CSMD3: variants seen among roughly 807,000 people sequenced by gnomAD.
The protein encoded by CSMD3 is CUB and Sushi multiple domains 3.
CSMD3 carries 177 observed loss-of-function variants against 435.2 expected under a neutral mutation model. The observed-to-expected ratio is 0.41, with a 90% CI of 0.36 to 0.46. The LOEUF (loss-of-function observed/expected upper bound fraction) is 0.46. Ranked by LOEUF, CSMD3 falls within the 20% of genes least tolerant of loss-of-function variation. CSMD3 has a pLI of 0.34. For synonymous variants in CSMD3, 1,656 were observed against 1,520.5 expected (o/e 1.09, Z -2.07); for missense variants, 4,265 against 4,504.6 (o/e 0.95, Z 1.52).
intron 53 of CSMD3, among the ~76,000 whole-genome samples, chr8:112,298,555 A>T (rs1307979119): frequency 6.6e-6 from 1 of 152,112 alleles, no homozygotes; most frequent in Non-Finnish European, 1.5e-5. Context: ...CAAGTCATAG[A>T]ATAAGAGAAA....
chr8:113,209,840 T>C (rs2092811899), intron 3 of CSMD3, among the ~76,000 whole-genome samples: 1 of 152,068 alleles, frequency 6.6e-6, no homozygotes, highest in Non-Finnish European at 1.5e-5. Context: ...GAATATTAAG[T>C]TTAGCTAATC....
chr8:113,344,089 A>T (rs987512577), intron 1 of CSMD3, among the ~76,000 whole-genome samples: 1 of 152,132 alleles, frequency 6.6e-6, no homozygotes, highest in African/African-American at 2.4e-5. Context: ...ACATATATTA[A>T]TCTAGGAGTG....
intron 27 of CSMD3, among the ~76,000 whole-genome samples, chr8:112,547,470 C>T (rs1827283892): frequency 6.6e-6 from 1 of 151,966 alleles, no homozygotes; most frequent in Admixed American, 6.6e-5. Flanking sequence ...ATCGCTTGAA[C>T]TTAGGAGGTT....
chr8:112,318,852 G>T lies in CSMD3; in HGVS notation c.7345C>A (p.Pro2449Thr). The stretch of plus-strand genomic sequence containing the variant: ...CATTGAATACCTTGACAAACTGGAG[G>T]TGCTCCATCCATCTGCAGTCGTTCT... ...LGERLQMDGA[P>T]PVCQVLCPAN... Residue 2449 changes from proline (P) to threonine (T), a missense_variant, in exon 47 of 71, where the codon CCT (proline) becomes ACT (threonine). Physicochemically the swap from Pro to Thr is conservative, Grantham distance 38. This residue lies in a region of CSMD3 where 3,255 missense variants were observed against 3,380.2 expected (regional missense o/e 0.96). Coordinates refer to ENST00000297405, the MANE Select transcript of CSMD3 (RefSeq NM_198123.2). 2 of 1,609,328 alleles carry T rather than the reference G, an allele frequency of 1.2e-6. No individual in the cohort carries two copies. The highest frequency in any genetic ancestry group is 1.7e-6 in the Non-Finnish European group (2 of 1,176,608).
At chr8:112,428,528 T>A (rs1040335356) in intron 32 of CSMD3, among the ~76,000 whole-genome samples, 4 of 152,182 alleles carry the variant, frequency 2.6e-5, no homozygotes, top group Non-Finnish European at 5.9e-5. Flanking sequence ...ACTGATAATG[T>A]ACAGTGTAAA....
At chr8:113,045,660 C>T (rs1228687273) in intron 5 of CSMD3, among the ~76,000 whole-genome samples, 2 of 149,458 alleles carry the variant, frequency 1.3e-5, no homozygotes. Context: ...GAACTGAACA[C>T]TGGGAACTGG....
intron 10 of CSMD3, among the ~76,000 whole-genome samples, chr8:112,860,923 T>C (rs1025747492): frequency 2.0e-5 from 3 of 151,892 alleles, no homozygotes; most frequent in Non-Finnish European, 4.4e-5. Flanking sequence ...AAAGGACATT[T>C]CTGTGTTGAT....
intron 1 of CSMD3, among the ~76,000 whole-genome samples, chr8:113,368,128 T>A (rs536557545): frequency 6.6e-5 from 10 of 152,248 alleles, no homozygotes; most frequent in African/African-American, 2.2e-4. Flanking sequence ...TTTTCTCACA[T>A]AATTTTGGCT....
intron 32 of CSMD3, among the ~76,000 whole-genome samples, chr8:112,439,648 AT>A (rs374379241): frequency 3.0e-3 from 456 of 152,280 alleles, no homozygotes; most frequent in African/African-American, 0.011. Flanking sequence ...ACAGTTCCTC[AT>A]GGCTGGGGAA....
intron 13 of CSMD3, among the ~76,000 whole-genome samples, chr8:112,730,048 G>C (rs2077043382): frequency 6.6e-6 from 1 of 152,048 alleles, no homozygotes. Context: ...TTATTTAGTG[G>C]AAAAGAGGAT....
chr8:112,750,288 T>C (rs2077537522), intron 13 of CSMD3, among the ~76,000 whole-genome samples: 1 of 151,512 alleles, frequency 6.6e-6, no homozygotes, highest in South Asian at 2.1e-4. Flanking sequence ...ATAAAATGTA[T>C]AATTTTATAA....
In CSMD3 at chr8:112,800,230, C is replaced by T. The variant is rs1335215139; in HGVS notation, c.1904G>A (p.Ser635Asn). The T allele has an allele frequency of 6.2e-7, 1 of 1,612,848 alleles. No individual in the cohort carries two copies. The highest frequency in any genetic ancestry group is 8.5e-7 in the Non-Finnish European group (1 of 1,179,196). The change falls in exon 13 of 71, where the codon AGC becomes AAC. Residue 635 changes from serine to asparagine, a missense_variant. Physicochemically the swap from Ser to Asn is conservative, Grantham distance 46 (BLOSUM62 1). Coordinates refer to ENST00000297405, the MANE Select transcript of CSMD3 (RefSeq NM_198123.2). ...CGTTTGAAGGTGCAGCCACATTTGG[C>T]TACTCATGCTCACTATCAAGTCTGG... is the stretch of plus-strand genomic sequence containing the variant. ...FVPDLIVSMS[S>N]QMWLHLQTDE...
chr8:112,736,664 T>C (rs10505190), intron 13 of CSMD3, among the ~76,000 whole-genome samples: 50,499 of 151,820 alleles, frequency 0.33, 9,263 homozygotes, highest in African/African-American at 0.5. Flanking sequence ...AAATCTATAA[T>C]ATTGTAATTC....
intron 10 of CSMD3, among the ~76,000 whole-genome samples, chr8:112,868,232 A>C (rs2081039465): frequency 6.6e-6 from 1 of 152,112 alleles, no homozygotes; most frequent in Non-Finnish European, 1.5e-5. Context: ...GTCATTTTCT[A>C]GATGACAGTG....
At chr8:113,020,103 C>G (rs1408052666) in intron 5 of CSMD3, among the ~76,000 whole-genome samples, 1 of 139,702 alleles carries the variant, frequency 7.2e-6, no homozygotes, top group Non-Finnish European at 1.5e-5. Flanking sequence ...GCGGAGCTTG[C>G]AGTGAGCCGA....
At chr8:113,435,700 T>C (rs1189493748) in intron 1 of CSMD3, among the ~76,000 whole-genome samples, 1 of 151,540 alleles carries the variant, frequency 6.6e-6, no homozygotes, top group Non-Finnish European at 1.5e-5. Context: ...CGAGCTGCCA[T>C]GAGTATGGAG....
intron 58 of CSMD3, among the ~76,000 whole-genome samples, chr8:112,284,753 A>G (rs2130613269): frequency 6.6e-6 from 1 of 152,042 alleles, no homozygotes. Context: ...TGGAGTAATA[A>G]ACTGAAGCAA....
At position 112,336,752 on chromosome 8, in the gene CSMD3, G is replaced by T; in HGVS notation, c.6919C>A (p.Gln2307Lys). Residue 2307 changes from glutamine to lysine, a missense_variant, in exon 44 of 71, where the codon CAA becomes AAA. Physicochemically the swap from Gln to Lys is moderately conservative, Grantham distance 53 (BLOSUM62 1). Coordinates refer to ENST00000297405, the MANE Select transcript of CSMD3 (RefSeq NM_198123.2). The part of the protein sequence containing the change: ...PGYPDEYPNF[Q>K]DCFWLVRVPP... ...ACTCTTACAAGCCAAAAACAATCTTGAAAGTTTGGATATTCATCAGGATAC... is the reference window on the plus strand; with the variant it reads ...ACTCTTACAAGCCAAAAACAATCTTTAAAGTTTGGATATTCATCAGGATAC... The T allele has an allele frequency of 6.2e-7, 1 of 1,613,276 alleles. No homozygotes were observed. The highest frequency in any genetic ancestry group is 1.1e-5 in the South Asian group (1 of 91,072).
rs539296994 is a variant in CSMD3 at position 112,678,457 on chromosome 8, C to T, written c.2677+3985G>A. Among the ~76,000 whole-genome samples the T allele has an allele frequency of 2.0e-5, 3 of 152,260 alleles. No homozygotes were observed. In the South Asian group the frequency reaches 6.2e-4, roughly 32 times the overall value. On this transcript the variant is annotated intron_variant, in intron 16 of 70. Transcript: ENST00000297405. ...ACCTATAGCTAATTTACCAAATAATCACAGACACTCTCCTTTACAAACTGA... is the reference window on the plus strand; with the variant it reads ...ACCTATAGCTAATTTACCAAATAATTACAGACACTCTCCTTTACAAACTGA...
Sources: allele counts gnomAD v4.1 joint callset (sites outside exome capture counted in the v4.1 genomes callset), GRCh38; gene constraint gnomAD v4.1.1; regional missense constraint gnomAD v4.1.1; transcripts MANE v1.5; gene names NCBI Gene and HGNC (gene_info 2026-07-23, HGNC 2026-07-21).